DOK6: variants seen among roughly 807,000 people sequenced by gnomAD.
The protein encoded by DOK6 is downstream of tyrosine kinase 6.
In DOK6, 22 loss-of-function variants were observed where a neutral mutation model predicts 44.0. The observed-to-expected ratio is 0.50, with a 90% CI of 0.36 to 0.71. DOK6 has a LOEUF of 0.71. Among genes scored for constraint, DOK6 ranks in the 30% least tolerant of loss-of-function variants. The pLI is 0.00. For missense variants in DOK6, 340 were observed against 416.4 expected (o/e 0.82, Z 1.60); for synonymous variants, 166 against 145.5 (o/e 1.14, Z -1.01).
chr18:69,736,963 T>A (rs1194328218), intron 5 of DOK6, among the ~76,000 whole-genome samples: 1 of 152,196 alleles, frequency 6.6e-6, no homozygotes, highest in Non-Finnish European at 1.5e-5. Flanking sequence ...GGGAGGCAGA[T>A]GCTACTGATC....
At chr18:69,619,933 C>T (rs1984401099) in intron 3 of DOK6, among the ~76,000 whole-genome samples, 1 of 152,020 alleles carries the variant, frequency 6.6e-6, no homozygotes, top group African/African-American at 2.4e-5. Context: ...AAGAAAATAT[C>T]AAGTAATAAT....
At chr18:69,672,257 G>A (rs1432931991) in intron 3 of DOK6, among the ~76,000 whole-genome samples, 1 of 152,190 alleles carries the variant, frequency 6.6e-6, no homozygotes, top group African/African-American at 2.4e-5. Context: ...CTACAAATCT[G>A]ACTTCAACAG....
chr18:69,740,805 A>G (rs1370269748), intron 6 of DOK6, among the ~76,000 whole-genome samples: 1 of 152,274 alleles, frequency 6.6e-6, no homozygotes, highest in African/African-American at 2.4e-5. Context: ...GAAAGTGTTC[A>G]TTATGGATGA....
At chr18:69,558,478 T>G (rs113552487) in intron 1 of DOK6, among the ~76,000 whole-genome samples, 3 of 151,908 alleles carry the variant, frequency 2.0e-5, no homozygotes, top group African/African-American at 7.2e-5. Context: ...ATTAAATGAT[T>G]TTTTTTTGCT....
At chr18:69,450,920 T>C (rs1018246142) in intron 1 of DOK6, among the ~76,000 whole-genome samples, 4 of 149,354 alleles carry the variant, frequency 2.7e-5, no homozygotes, top group Non-Finnish European at 5.9e-5. Context: ...GCGCTAAACA[T>C]GGAAAGGAAC....
At chr18:69,672,709 G>C (rs1448984467) in intron 3 of DOK6, among the ~76,000 whole-genome samples, 2 of 148,744 alleles carry the variant, frequency 1.3e-5, no homozygotes, top group African/African-American at 2.5e-5. Context: ...AAAAAAAAAG[G>C]GGGGGGTGGG....
At chr18:69,413,531 C>G (rs974819384) in intron 1 of DOK6, among the ~76,000 whole-genome samples, 2 of 152,060 alleles carry the variant, frequency 1.3e-5, no homozygotes, top group East Asian at 1.9e-4. Flanking sequence ...GCCTTTTCAG[C>G]AAATGTTACT....
At chr18:69,812,827 G>A (rs1981281916) in intron 7 of DOK6, among the ~76,000 whole-genome samples, 1 of 152,082 alleles carries the variant, frequency 6.6e-6, no homozygotes, top group Non-Finnish European at 1.5e-5. Context: ...GAAGTGCTGA[G>A]CAAAGTGGGA....
intron 7 of DOK6, among the ~76,000 whole-genome samples, chr18:69,787,796 C>T (rs1444769022): frequency 6.6e-6 from 1 of 152,106 alleles, no homozygotes; most frequent in African/African-American, 2.4e-5. Flanking sequence ...TGGGAGAAGA[C>T]CCAAATGAGT....
chr18:69,434,466 G>T (rs1978891433), intron 1 of DOK6, among the ~76,000 whole-genome samples: 1 of 152,132 alleles, frequency 6.6e-6, no homozygotes, highest in South Asian at 2.1e-4. Context: ...CATGTGTACT[G>T]GATTGTTCCT....
intron 5 of DOK6, among the ~76,000 whole-genome samples, chr18:69,721,860 A>C (rs765756471): frequency 6.6e-6 from 1 of 152,248 alleles, no homozygotes; most frequent in African/African-American, 2.4e-5. Flanking sequence ...TTTAAATAGA[A>C]TGAAGCTAAA....
At chr18:69,434,431 G>C (rs757027610) in intron 1 of DOK6, among the ~76,000 whole-genome samples, 1 of 152,122 alleles carries the variant, frequency 6.6e-6, no homozygotes, top group Non-Finnish European at 1.5e-5. Context: ...CTACATGTAG[G>C]ATGCACATGG....
Position 69,834,469 on chromosome 18 carries a change from T to C in DOK6, c.857-6775T>C, listed in dbSNP as rs138144558. Among the ~76,000 whole-genome samples the C allele has an allele frequency of 4.3e-3, 653 of 152,258 alleles. 3 individuals carry two copies. The Middle Eastern group carries it at 0.058, about 13-fold the overall frequency. The stretch of plus-strand genomic sequence containing the variant: ...TAAGTTTCAGTATTCCATAGTATAG[T>C]AGATAAATTATAGTTAACAATAATT... On this transcript the variant is annotated intron_variant, in intron 7 of 7. Coordinates refer to ENST00000382713, the MANE Select transcript of DOK6 (RefSeq NM_152721.6).
intron 6 of DOK6, among the ~76,000 whole-genome samples, chr18:69,747,346 A>G (rs1461212403): frequency 1.3e-5 from 2 of 152,216 alleles, no homozygotes; most frequent in Non-Finnish European, 2.9e-5. Context: ...AATGAACACA[A>G]ATTAGCATCA....
chr18:69,677,363 T>A (rs542565782), intron 3 of DOK6, among the ~76,000 whole-genome samples: 1 of 95,778 alleles, frequency 1.0e-5, no homozygotes, highest in South Asian at 4.5e-4. Context: ...ATATTATATA[T>A]GTGTGTGTAT....
At chr18:69,679,542 G>A (rs1024869403) in intron 4 of DOK6, among the ~76,000 whole-genome samples, 2 of 152,152 alleles carry the variant, frequency 1.3e-5, no homozygotes, top group Non-Finnish European at 2.9e-5. Context: ...TCTGAGAGCA[G>A]TGCTAAGCAG....
chr18:69,726,974 C>T (rs1978311816), intron 5 of DOK6, among the ~76,000 whole-genome samples: 2 of 152,170 alleles, frequency 1.3e-5, no homozygotes, highest in South Asian at 4.1e-4. Context: ...CCCACTTCAG[C>T]CTCCCAAGTA....
chr18:69,492,386 A>C (rs775403852), intron 1 of DOK6, among the ~76,000 whole-genome samples: 1 of 152,010 alleles, frequency 6.6e-6, no homozygotes, highest in Non-Finnish European at 1.5e-5. Flanking sequence ...ATTTCTTTTA[A>C]AAATTTATTT....
intron 7 of DOK6, among the ~76,000 whole-genome samples, chr18:69,838,237 T>A (rs201631565): frequency 1.6e-4 from 22 of 140,782 alleles, no homozygotes; most frequent in Middle Eastern, 3.6e-3. Flanking sequence ...TCTAAAACTT[T>A]AAAAAAAAAA....
Sources: gnomAD v4.1 joint callset for allele counts (sites outside exome capture counted in the v4.1 genomes callset) on GRCh38, gnomAD v4.1.1 for gene constraint, MANE v1.5 for transcripts, NCBI Gene and HGNC (gene_info 2026-07-23, HGNC 2026-07-21) for gene names.